The following SNX29 variants were observed in gnomAD, a reference collection of about 807,000 sequenced individuals.
The protein encoded by SNX29 is sorting nexin 29.
Under a neutral mutation model 102.1 loss-of-function variants are expected in SNX29, and 78 were observed. The observed-to-expected ratio is 0.76, with a 90% CI of 0.64 to 0.92. SNX29 has a LOEUF of 0.92. Ranked by LOEUF, SNX29 falls within the 40% of genes least tolerant of loss-of-function variation. The pLI is 0.00. For synonymous variants in SNX29, 580 were observed against 414.5 expected (o/e 1.40, Z -4.85); for missense variants, 1,280 against 1,061.7 (o/e 1.21, Z -2.86).
chr16:12,398,841 ATCC>A (rs2151494000), intron 17 of SNX29, among the ~76,000 whole-genome samples: 1 of 145,980 alleles, frequency 6.9e-6, no homozygotes, highest in African/African-American at 2.6e-5. Context: ...AGTAAAAGCT[ATCC>A]CCTTTGCACA....
At chr16:12,062,518 G>T (rs2050822297) in intron 9 of SNX29, among the ~76,000 whole-genome samples, 1 of 152,130 alleles carries the variant, frequency 6.6e-6, no homozygotes, top group African/African-American at 2.4e-5. Flanking sequence ...AGGTCATGGG[G>T]AGGACGTGGT....
intron 18 of SNX29, among the ~76,000 whole-genome samples, chr16:12,424,471 G>A (rs1171721515): frequency 6.6e-6 from 1 of 152,120 alleles, no homozygotes; most frequent in African/African-American, 2.4e-5. Flanking sequence ...GCCCTTCCTT[G>A]GGCGACTAGA....
chr16:12,383,679 C>A (rs7200867), intron 16 of SNX29, among the ~76,000 whole-genome samples: 70,074 of 151,162 alleles, frequency 0.46, 16,465 homozygotes, highest in East Asian at 0.58. Context: ...TAGGTGATCT[C>A]TCCACCTCAG....
chr16:12,371,763 A>G (rs1462603956), intron 16 of SNX29, among the ~76,000 whole-genome samples: 7 of 152,212 alleles, frequency 4.6e-5, no homozygotes, highest in Admixed American at 1.3e-4. Flanking sequence ...CAGTGCTGCA[A>G]TGCAACGCAG....
rs372546044 is a variant in SNX29 at position 12,049,364 on chromosome 16, A to G, written c.748+744A>G. 5.6e-3 allele frequency among the ~76,000 whole-genome samples: 815 copies of G among 145,914 alleles called. 13 individuals are homozygous for G. The highest frequency in any genetic ancestry group is 0.019 in the African/African-American group (752 of 39,048). ...TTTTTTTTTTTTGAGACAGAGTCTC[A>G]CTCTATTGCCCGGGTTGGAGTGCAG... On this transcript the variant is annotated intron_variant, in intron 7 of 20. Transcript: ENST00000566228.
chr16:12,388,203 T>C (rs1429062945), intron 16 of SNX29, among the ~76,000 whole-genome samples: 2 of 152,130 alleles, frequency 1.3e-5, no homozygotes, highest in African/African-American at 4.8e-5. Context: ...ACAGCAGGTG[T>C]TATAGAAGGA....
At chr16:12,457,286 C>T (rs766355084) in intron 18 of SNX29, among the ~76,000 whole-genome samples, 1 of 152,160 alleles carries the variant, frequency 6.6e-6, no homozygotes, top group Non-Finnish European at 1.5e-5. Context: ...AACTGATGCT[C>T]AGAAAGGTAA....
At chr16:12,053,949 C>G (rs895551365) in intron 8 of SNX29, among the ~76,000 whole-genome samples, 1 of 151,906 alleles carries the variant, frequency 6.6e-6, no homozygotes, top group Non-Finnish European at 1.5e-5. Flanking sequence ...ATGCTGTAAT[C>G]CAAAGCTTAT....
intron 4 of SNX29, among the ~76,000 whole-genome samples, chr16:12,039,026 C>G (rs1299640108): frequency 6.6e-6 from 1 of 152,184 alleles, no homozygotes; most frequent in Non-Finnish European, 1.5e-5. Flanking sequence ...ACAAGATAGT[C>G]TCGAGGGACC....
intron 15 of SNX29, among the ~76,000 whole-genome samples, chr16:12,318,126 C>G (rs928712232): frequency 6.6e-6 from 1 of 152,224 alleles, no homozygotes; most frequent in East Asian, 1.9e-4. Context: ...ATGTGAGCCC[C>G]CACGGCTGCA....
At chr16:12,478,065 T>A (rs575627652) in intron 19 of SNX29, among the ~76,000 whole-genome samples, 2 of 152,372 alleles carry the variant, frequency 1.3e-5, no homozygotes, top group East Asian at 3.8e-4. Flanking sequence ...GTGTATGTCC[T>A]CTTATTTCTC....
chr16:12,340,338 C>T (rs1414386859), intron 15 of SNX29, among the ~76,000 whole-genome samples: 2 of 152,158 alleles, frequency 1.3e-5, no homozygotes, highest in African/African-American at 2.4e-5. Flanking sequence ...TTCTCTGTAA[C>T]GGGGCATAAA....
At chr16:12,503,296 G>C (rs1349653460) in intron 19 of SNX29, among the ~76,000 whole-genome samples, 1 of 152,204 alleles carries the variant, frequency 6.6e-6, no homozygotes, top group Non-Finnish European at 1.5e-5. Context: ...AATGTGGAGA[G>C]AATAACATAG....
intron 1 of SNX29, among the ~76,000 whole-genome samples, chr16:11,998,311 T>C (rs2056163783): frequency 6.6e-6 from 1 of 152,222 alleles, no homozygotes; most frequent in South Asian, 2.1e-4. Flanking sequence ...ATTGGGCCTC[T>C]TGTGGAGATC....
At chr16:12,434,703 GACA>G (rs1167776892) in intron 18 of SNX29, among the ~76,000 whole-genome samples, 1 of 152,048 alleles carries the variant, frequency 6.6e-6, no homozygotes, top group Non-Finnish European at 1.5e-5. Flanking sequence ...TCCTGCATCT[GACA>G]CCGAAGGCCC....
At chr16:12,364,363 C>T (rs189674505) in intron 16 of SNX29, among the ~76,000 whole-genome samples, 1 of 151,560 alleles carries the variant, frequency 6.6e-6, no homozygotes, top group East Asian at 1.9e-4. Flanking sequence ...TAAGCTAAGA[C>T]ACTTTTAAGG....
intron 20 of SNX29, chr16:12,560,749 G>A (rs545456474): frequency 2.3e-5 from 4 of 171,330 alleles, no homozygotes; most frequent in East Asian, 1.1e-4. Flanking sequence ...CTCTGCTCCT[G>A]ATTAGCCATA....
chr16:12,145,444 A>G (rs1026183269), intron 13 of SNX29, among the ~76,000 whole-genome samples: 2 of 152,140 alleles, frequency 1.3e-5, no homozygotes, highest in African/African-American at 4.8e-5. Context: ...TTCCCTGTTC[A>G]TAAATGTAAT....
At position 12,415,954 on chromosome 16, in the gene SNX29, G is replaced by A. The variant is rs538230041; in HGVS notation, c.2037+12425G>A. ...GCAGGACCTCTTCCCTGTACAGCTCGTCCTGGGAGCATTGTTGGAGTGGGG... is the reference window on the plus strand; with the variant it reads ...GCAGGACCTCTTCCCTGTACAGCTCATCCTGGGAGCATTGTTGGAGTGGGG... On this transcript the variant is annotated intron_variant, in intron 18 of 20. Coordinates refer to ENST00000566228, the MANE Select transcript of SNX29 (RefSeq NM_032167.5). Among the ~76,000 whole-genome samples the A allele has an allele frequency of 9.9e-5, 15 of 152,284 alleles. No individual in the cohort carries two copies. The East Asian group carries it at 1.9e-3, about 20-fold the overall frequency.
Sources: allele counts gnomAD v4.1 joint callset (sites outside exome capture counted in the v4.1 genomes callset), GRCh38; gene constraint gnomAD v4.1.1; transcripts MANE v1.5; gene names NCBI Gene and HGNC (gene_info 2026-07-23, HGNC 2026-07-21).